The following ABTB2 variants were observed in gnomAD, a reference collection of about 807,000 sequenced individuals.
The protein encoded by ABTB2 is ankyrin repeat and BTB/POZ domain-containing protein 2.
A neutral mutation model predicts 104.1 loss-of-function variants in ABTB2; 56 were observed. The observed-to-expected ratio is 0.54, with a 90% CI of 0.43 to 0.67. ABTB2 has a LOEUF of 0.67. ABTB2 is among the 30% of genes least tolerant of loss of function. The pLI, the probability that ABTB2 is intolerant of heterozygous loss-of-function variation, is 0.00. For synonymous variants in ABTB2, 606 were observed against 608.2 expected (o/e 1.00, Z 0.05); for missense variants, 1,279 against 1,407.7 (o/e 0.91, Z 1.46).
chr11:34,336,711 C>T lies in ABTB2; in HGVS notation c.883+19990G>A, dbSNP rs186463885. Reference sequence around the variant, plus strand: ...CCTGCAGTTAGACCCGGGTTTGTTTCCAAAGCCCTTATTTCCCTACTGTAA... The same window carrying T: ...CCTGCAGTTAGACCCGGGTTTGTTTTCAAAGCCCTTATTTCCCTACTGTAA... On this transcript the variant is annotated intron_variant, in intron 1 of 16. Coordinates refer to ENST00000435224, the MANE Select transcript of ABTB2 (RefSeq NM_145804.3). Among the ~76,000 whole-genome samples the T allele has an allele frequency of 3.9e-3, 594 of 152,106 alleles. 2 individuals carry two copies. Among genetic ancestry groups the T allele is most frequent in the Non-Finnish European group, 5.0e-3 (342 of 67,994 alleles).
intron 1 of ABTB2, among the ~76,000 whole-genome samples, chr11:34,308,409 C>A (rs757610597): frequency 6.6e-6 from 1 of 152,176 alleles, no homozygotes; most frequent in Non-Finnish European, 1.5e-5. Context: ...ACACAAAAAG[C>A]AGGCATAAAA....
chr11:34,332,933 T>A (rs1336213306), intron 1 of ABTB2, among the ~76,000 whole-genome samples: 1 of 152,058 alleles, frequency 6.6e-6, no homozygotes. Flanking sequence ...TGGTGAGCAC[T>A]GGGGAAATGC....
intron 1 of ABTB2, among the ~76,000 whole-genome samples, chr11:34,246,538 T>C (rs944620375): frequency 3.1e-5 from 4 of 130,634 alleles, no homozygotes; most frequent in African/African-American, 1.2e-4. Flanking sequence ...GAGGTGGAGG[T>C]TGCAGTGAGC....
intron 1 of ABTB2, among the ~76,000 whole-genome samples, chr11:34,350,398 G>A (rs1053098278): frequency 2.0e-4 from 31 of 152,280 alleles, no homozygotes; most frequent in African/African-American, 7.0e-4. Context: ...GAAGAGCATC[G>A]CAGTGTACTC....
At position 34,164,727 on chromosome 11, in the gene ABTB2, C is replaced by T. The variant is rs867686029; in HGVS notation, c.1947G>A (p.Glu649=). 1 of 1,552,410 alleles carries T rather than the reference C, an allele frequency of 6.4e-7. No homozygotes were observed. Among genetic ancestry groups the T allele is most frequent in the Non-Finnish European group, 8.6e-7 (1 of 1,159,862 alleles). ...EAHGMGSSLH[E]DMNCFSHSAA... is the part of the protein sequence containing the mutation. Reference sequence around the variant, plus strand: ...CTGAGTGGCTGAAGCAGTTCATGTCCTCGTGGAGGGAGGAGCCCATGCCGT... The same window carrying T: ...CTGAGTGGCTGAAGCAGTTCATGTCTTCGTGGAGGGAGGAGCCCATGCCGT... Residue 649 remains glutamate (E), a synonymous_variant, in exon 9 of 17, where the codon GAG becomes GAA. Coordinates refer to ENST00000435224, the MANE Select transcript of ABTB2 (RefSeq NM_145804.3).
chr11:34,182,506 G>GC (rs1853042627), intron 3 of ABTB2, among the ~76,000 whole-genome samples: 1 of 136,774 alleles, frequency 7.3e-6, no homozygotes, highest in African/African-American at 2.8e-5. Context: ...CTGGGGGGGG[G>GC]GGGAAATTCA....
chr11:34,231,776 C>A (rs896367514), intron 1 of ABTB2, among the ~76,000 whole-genome samples: 5 of 152,050 alleles, frequency 3.3e-5, no homozygotes, highest in African/African-American at 1.2e-4. Flanking sequence ...GAGCCCCGCA[C>A]CCGGCCGATA....
In ABTB2 at chr11:34,170,948, G is replaced by A. The variant is rs762156993; in HGVS notation, c.1521C>T (p.Ile507=). Reference sequence around the variant, plus strand: ...TAACCCCATCCGGACCCAAGGCCTCGATGGCTTGGTTGATGAGGTCCGTCC... The same window carrying A: ...TAACCCCATCCGGACCCAAGGCCTCAATGGCTTGGTTGATGAGGTCCGTCC... ...CGRTDLINQA[I]EALGPDGVNT... Residue 507 remains isoleucine, a synonymous_variant, in exon 5 of 17, where the codon ATC becomes ATT. Transcript: ENST00000435224. 24 of 1,614,054 alleles carry A rather than the reference G, an allele frequency of 1.5e-5. No homozygotes were observed. The highest frequency in any genetic ancestry group is 1.6e-4 in the Middle Eastern group (1 of 6,084).
chr11:34,341,887 G>T (rs1490974994), intron 1 of ABTB2, among the ~76,000 whole-genome samples: 2 of 152,128 alleles, frequency 1.3e-5, no homozygotes, highest in Non-Finnish European at 2.9e-5. Context: ...CAAAACAAAT[G>T]ACCTCTCCCC....
At chr11:34,260,491 G>T (rs1481390219) in intron 1 of ABTB2, among the ~76,000 whole-genome samples, 3 of 152,194 alleles carry the variant, frequency 2.0e-5, no homozygotes, top group Non-Finnish European at 2.9e-5. Context: ...ACACTGCAGT[G>T]CAGGGCTCTG....
chr11:34,294,552 T>C (rs965487524), intron 1 of ABTB2, among the ~76,000 whole-genome samples: 1 of 151,962 alleles, frequency 6.6e-6, no homozygotes, highest in African/African-American at 2.4e-5. Context: ...TGAAAGACAA[T>C]GTGCATGAGG....
chr11:34,293,687 G>A (rs59252373), intron 1 of ABTB2, among the ~76,000 whole-genome samples: 11,406 of 152,210 alleles, frequency 0.075, 474 homozygotes, highest in South Asian at 0.12. Flanking sequence ...ACCTGTGAGA[G>A]AGACTGGGGT....
chr11:34,166,899 GA>G (rs1202183973), intron 7 of ABTB2, among the ~76,000 whole-genome samples: 3 of 152,250 alleles, frequency 2.0e-5, no homozygotes, highest in African/African-American at 7.2e-5. Context: ...ATTCACGAGG[GA>G]GGAGAAAAGG....
In ABTB2 at chr11:34,356,856, C is replaced by T; in HGVS notation, c.728G>A (p.Arg243Gln). 1 of 1,605,326 alleles carries T rather than the reference C, an allele frequency of 6.2e-7. No individual in the cohort carries two copies. Among genetic ancestry groups the T allele is most frequent in the Non-Finnish European group, 8.5e-7 (1 of 1,176,152 alleles). Residue 243 changes from arginine to glutamine, a missense_variant, in exon 1 of 17, where the codon CGG becomes CAG. Arg to Gln is a conservative substitution (Grantham distance 43). Transcript: ENST00000435224. This position sits in a 1 kb window ranked among gnomAD's most constrained non-coding sequence, Gnocchi z 4.6. ...ACMENLVEEI[R>Q]ARVMASHSPD... ...GCTGTGGCTGGCCATCACCCTGGCCCGGATCTCCTCCACCAGGTTCTCCAT... is the reference window on the plus strand; with the variant it reads ...GCTGTGGCTGGCCATCACCCTGGCCTGGATCTCCTCCACCAGGTTCTCCAT...
chr11:34,289,946 G>A (rs182058915), intron 1 of ABTB2, among the ~76,000 whole-genome samples: 16 of 152,314 alleles, frequency 1.1e-4, no homozygotes, highest in Admixed American at 3.3e-4. Flanking sequence ...TTTTAGGCAA[G>A]GCCTGTAACT....
chr11:34,303,768 G>A (rs1289399353), intron 1 of ABTB2, among the ~76,000 whole-genome samples: 1 of 150,366 alleles, frequency 6.7e-6, no homozygotes, highest in Admixed American at 6.7e-5. Flanking sequence ...TCAGCTTCCC[G>A]AGTAGTTGGG....
At chr11:34,177,021 T>C (rs1345240252) in intron 3 of ABTB2, among the ~76,000 whole-genome samples, 1 of 152,218 alleles carries the variant, frequency 6.6e-6, no homozygotes, top group Non-Finnish European at 1.5e-5. Flanking sequence ...TCAGTCCTTC[T>C]GATTGCAGGA....
chr11:34,273,931 T>C (rs958582449), intron 1 of ABTB2, among the ~76,000 whole-genome samples: 10 of 151,586 alleles, frequency 6.6e-5, no homozygotes, highest in African/African-American at 2.4e-4. Context: ...GGCGGGTGGA[T>C]CATGAGGTCA....
At chr11:34,169,491 G>A (rs1852840914) in intron 5 of ABTB2, among the ~76,000 whole-genome samples, 1 of 152,112 alleles carries the variant, frequency 6.6e-6, no homozygotes, top group Non-Finnish European at 1.5e-5. Flanking sequence ...AGTGCCTCAG[G>A]GAGGCAGAGT....
Sources: allele counts gnomAD v4.1 joint callset (sites outside exome capture counted in the v4.1 genomes callset), GRCh38; gene constraint gnomAD v4.1.1; non-coding constraint Gnocchi (gnomAD v3.1); transcripts MANE v1.5; gene names NCBI Gene and HGNC (gene_info 2026-07-23, HGNC 2026-07-21).